PPARG: variants seen among roughly 807,000 people sequenced by gnomAD.
PPARG encodes peroxisome proliferator-activated receptor gamma.
In PPARG, 17 loss-of-function variants were observed where a neutral mutation model predicts 39.2. The ratio of observed to expected loss-of-function variants is 0.43; its 90% CI spans 0.30 to 0.65. The LOEUF is 0.65. Ranked by LOEUF, PPARG falls within the 30% of genes least tolerant of loss-of-function variation. The pLI, the probability that PPARG is intolerant of heterozygous loss-of-function variation, is 0.13. For synonymous variants in PPARG, 223 were observed against 215.7 expected (o/e 1.03, Z -0.30); for missense variants, 406 against 585.9 (o/e 0.69, Z 3.17).
Position 12,405,897 on chromosome 3 carries a change from G to T in PPARG, c.545G>T (p.Arg182Leu). 6.2e-7 allele frequency: 1 copy of T among 1,613,984 alleles called. No homozygotes were observed. Among genetic ancestry groups the T allele is most frequent in the Non-Finnish European group, 8.5e-7 (1 of 1,179,926 alleles). The change falls in exon 6 of 8, where the codon CGG becomes CTG. Residue 182 changes from arginine (R) to leucine (L), a missense_variant. Physicochemically the swap from Arg to Leu is moderately radical, Grantham distance 102. Coordinates refer to ENST00000651735, the MANE Select transcript of PPARG (RefSeq NM_138711.6). ...GMSHNAIRFG[R>L]MPQAEKEKLL... ...TCCTCTATAGCCATCAGGTTTGGGC[G>T]GATGCCACAGGCCGAGAAGGAGAAG... is the stretch of plus-strand genomic sequence containing the variant.
chr3:12,406,106 T>C lies in PPARG; in HGVS notation c.729+25T>C, dbSNP rs201210778. The C allele has an allele frequency of 1.7e-4, 266 of 1,611,190 alleles. 1 individual carries two copies. Among genetic ancestry groups the C allele is most frequent in the Admixed American group, 3.7e-4 (22 of 59,730 alleles). On this transcript the variant is annotated intron_variant, in intron 6 of 7. Coordinates refer to ENST00000651735, the MANE Select transcript of PPARG (RefSeq NM_138711.6). ...AGTTAGTTCTCTTCTGCTGTCTTCA[T>C]TGGGGGAGGCGGGAAGTTGTTTTGG...
At chr3:12,410,610 G>C (rs1347899724) in intron 6 of PPARG, among the ~76,000 whole-genome samples, 1 of 152,140 alleles carries the variant, frequency 6.6e-6, no homozygotes, top group African/African-American at 2.4e-5. Context: ...GTTTATGGTA[G>C]GTACATGTGG....
chr3:12,323,560 A>G (rs967722748), intron 2 of PPARG, among the ~76,000 whole-genome samples: 1 of 152,198 alleles, frequency 6.6e-6, no homozygotes, highest in Admixed American at 6.5e-5. Context: ...TCACAGTACC[A>G]TGTAAAGTAT....
intron 2 of PPARG, among the ~76,000 whole-genome samples, chr3:12,374,622 A>C (rs1284194699): frequency 1.3e-5 from 2 of 152,084 alleles, no homozygotes; most frequent in African/African-American, 4.8e-5. Context: ...ACAAAACAAA[A>C]ATGTAGAACT....
intron 2 of PPARG, among the ~76,000 whole-genome samples, chr3:12,360,891 T>C (rs1462346118): frequency 6.6e-6 from 1 of 152,234 alleles, no homozygotes; most frequent in Admixed American, 6.5e-5. Context: ...AACATTGTCC[T>C]GTAGGTCTCT....
chr3:12,370,961 T>C (rs2049190625), intron 2 of PPARG, among the ~76,000 whole-genome samples: 1 of 152,332 alleles, frequency 6.6e-6, no homozygotes, highest in African/African-American at 2.4e-5. Flanking sequence ...GTAGTCCTGT[T>C]TAAACAATAG....
At chr3:12,433,296 G>C (rs1171261168) in intron 7 of PPARG, among the ~76,000 whole-genome samples, 1 of 152,164 alleles carries the variant, frequency 6.6e-6, no homozygotes, top group Non-Finnish European at 1.5e-5. Flanking sequence ...CCAGCACTTT[G>C]GGAGGCCAAG....
intron 7 of PPARG, among the ~76,000 whole-genome samples, chr3:12,425,561 A>G (rs1386988654): frequency 6.6e-6 from 1 of 152,110 alleles, no homozygotes; most frequent in East Asian, 1.9e-4. Flanking sequence ...CAGGGCATGG[A>G]GATGGCAGGT....
intron 5 of PPARG, among the ~76,000 whole-genome samples, chr3:12,394,116 A>T (rs571622890): frequency 3.3e-5 from 5 of 152,282 alleles, no homozygotes; most frequent in Middle Eastern, 3.4e-3. Flanking sequence ...TTCCAAGTCA[A>T]GGGTTGTATT....
chr3:12,306,387 G>T (rs2047063754), intron 1 of PPARG, among the ~76,000 whole-genome samples: 1 of 152,172 alleles, frequency 6.6e-6, no homozygotes, highest in Non-Finnish European at 1.5e-5. Context: ...TCACGGCCTT[G>T]GGGTGGGGGA....
chr3:12,341,116 G>A (rs2048170643), intron 2 of PPARG, among the ~76,000 whole-genome samples: 1 of 152,068 alleles, frequency 6.6e-6, no homozygotes, highest in Admixed American at 6.5e-5. Flanking sequence ...CTGGGAGGTG[G>A]AGGTTGCAGT....
intron 1 of PPARG, among the ~76,000 whole-genome samples, chr3:12,309,813 C>T (rs967903179): frequency 2.1e-4 from 32 of 152,224 alleles, no homozygotes; most frequent in African/African-American, 7.2e-4. Context: ...TGGTAAAAAT[C>T]CCATCCCAGA....
chr3:12,389,586 G>A (rs1361066105), intron 4 of PPARG, among the ~76,000 whole-genome samples: 1 of 152,126 alleles, frequency 6.6e-6, no homozygotes, highest in Non-Finnish European at 1.5e-5. Context: ...TGAGTACTTG[G>A]TAATCTCTCA....
At chr3:12,354,782 C>T (rs917867840) in intron 2 of PPARG, among the ~76,000 whole-genome samples, 1 of 150,864 alleles carries the variant, frequency 6.6e-6, no homozygotes, top group Non-Finnish European at 1.5e-5. Context: ...GAAAAGAAAC[C>T]TACATTTTAA....
At chr3:12,291,676 A>G (rs1264190896) in intron 1 of PPARG, among the ~76,000 whole-genome samples, 1 of 152,202 alleles carries the variant, frequency 6.6e-6, no homozygotes, top group Non-Finnish European at 1.5e-5. Context: ...AATATCTGTC[A>G]TCAATAATAG....
chr3:12,296,140 T>C (rs1382129412), intron 1 of PPARG, among the ~76,000 whole-genome samples: 1 of 149,744 alleles, frequency 6.7e-6, no homozygotes, highest in Non-Finnish European at 1.5e-5. Flanking sequence ...TAATCCCAGC[T>C]ACTCGGGTGA....
intron 2 of PPARG, among the ~76,000 whole-genome samples, chr3:12,361,003 A>G (rs2048829792): frequency 1.3e-5 from 2 of 152,156 alleles, no homozygotes; most frequent in Non-Finnish European, 2.9e-5. Context: ...ACAGGACTCT[A>G]GAAATCTATA....
chr3:12,327,228 C>G (rs952180948), intron 2 of PPARG, among the ~76,000 whole-genome samples: 3 of 152,146 alleles, frequency 2.0e-5, no homozygotes, highest in African/African-American at 7.2e-5. Context: ...TTTAGCTGTT[C>G]TGTTTGCCTC....
chr3:12,384,541 C>T (rs887824695), intron 4 of PPARG, among the ~76,000 whole-genome samples: 1 of 152,076 alleles, frequency 6.6e-6, no homozygotes, highest in African/African-American at 2.4e-5. Context: ...CCACATCCTA[C>T]TCAGGTTTTC....
Sources: allele counts gnomAD v4.1 joint callset (sites outside exome capture counted in the v4.1 genomes callset), GRCh38; gene constraint gnomAD v4.1.1; transcripts MANE v1.5; gene names NCBI Gene and HGNC (gene_info 2026-07-23, HGNC 2026-07-21).